CD151: variants seen among roughly 807,000 people sequenced by gnomAD.
CD151 encodes CD151 molecule (Raph blood group).
CD151 carries 20 observed loss-of-function variants against 34.2 expected under a neutral mutation model. That is an observed-to-expected ratio of 0.58 (90% CI 0.41 to 0.85). CD151 has a LOEUF of 0.85. Among genes scored for constraint, CD151 ranks in the 40% least tolerant of loss-of-function variants. CD151 has a pLI of 0.00. For missense variants in CD151, 306 were observed against 324.5 expected (o/e 0.94, Z 0.44); for synonymous variants, 157 against 131.7 (o/e 1.19, Z -1.32).
chr11:836,757 T>C lies in CD151; in HGVS notation c.277-12T>C, dbSNP rs1300653737. On this transcript the variant is annotated splice_polypyrimidine_tract_variant and intron_variant, in intron 4 of 8. Coordinates refer to ENST00000397420, the MANE Select transcript of CD151 (RefSeq NM_004357.5). Reference sequence around the variant, plus strand: ...CCTCAGAACAAGGGTGCCCTTGTGCTGCCCCCCCCAGTACTTCATCCTGCT... The same window carrying C: ...CCTCAGAACAAGGGTGCCCTTGTGCCGCCCCCCCCAGTACTTCATCCTGCT... 1 of 1,612,252 alleles carries C rather than the reference T, an allele frequency of 6.2e-7. No individual in the cohort carries two copies.
At position 837,323 on chromosome 11, in the gene CD151, T is replaced by TG; in HGVS notation, c.426dup (p.Thr143AspfsTer26). On this transcript the variant is annotated frameshift_variant, in exon 6 of 9. Coordinates refer to ENST00000397420, the MANE Select transcript of CD151 (RefSeq NM_004357.5). LOFTEE classifies it high-confidence loss of function. Reference sequence around the variant, plus strand: ...TACCACCAGCCGGGCCATGAGGCTGTGACCAGCGCTGTGGACCAGCTGCAG... The same window carrying TG: ...TACCACCAGCCGGGCCATGAGGCTGTGGACCAGCGCTGTGGACCAGCTGCAG... 1 of 1,612,916 alleles carries TG rather than the reference T, an allele frequency of 6.2e-7. No homozygotes were observed. Among genetic ancestry groups the TG allele is most frequent in the East Asian group, 2.2e-5 (1 of 44,876 alleles).
rs201750899 is a variant in CD151, at chr11:836,166, C to T, written c.84+13C>T. 4,217 of 1,595,278 alleles carry T rather than the reference C, an allele frequency of 2.6e-3. 13 individuals carry two copies. Among genetic ancestry groups the T allele is most frequent in the Non-Finnish European group, 3.3e-3 (3,801 of 1,164,482 alleles). ...TTGCTGCTTCTGGGTGAGGAGGGGT[C>T]GCCTTGCCCCCACCCCCACCCCCAC... On this transcript the variant is annotated intron_variant, in intron 3 of 8. Transcript: ENST00000397420.
At chr11:834,220 G>A (rs1400220801) in intron 1 of CD151, among the ~76,000 whole-genome samples, 1 of 152,170 alleles carries the variant, frequency 6.6e-6, no homozygotes, top group Non-Finnish European at 1.5e-5. Flanking sequence ...TTAGCTGGGC[G>A]TGGTGGTGGG....
Position 836,060 on chromosome 11 carries a change from C to G in CD151, c.-7-3C>G. 6.2e-7 allele frequency: 1 copy of G among 1,602,582 alleles called. No individual in the cohort carries two copies. The highest frequency in any genetic ancestry group is 1.1e-5 in the South Asian group (1 of 90,750). ...CCCGCTGACCCCTCCCCTGCCTCCTCAGCCCCAGGATGGGTGAGTTCAACG... is the reference window on the plus strand; with the variant it reads ...CCCGCTGACCCCTCCCCTGCCTCCTGAGCCCCAGGATGGGTGAGTTCAACG... On this transcript the variant is annotated splice_polypyrimidine_tract_variant and splice_region_variant and intron_variant, in intron 2 of 8. Coordinates refer to ENST00000397420, the MANE Select transcript of CD151 (RefSeq NM_004357.5).
Position 837,915 on chromosome 11 carries a change from C to G in CD151, c.616-27C>G, listed in dbSNP as rs748823506. 3.8e-6 allele frequency: 6 copies of G among 1,580,536 alleles called. No individual in the cohort carries two copies. The East Asian group carries it at 1.1e-4, about 30-fold the overall frequency. On this transcript the variant is annotated intron_variant, in intron 7 of 8. Transcript: ENST00000397420. ...CAGTGGGAGGTGCCCCCTGGGCCCG[C>G]CTTCAACACCCATCCGCGCCCCGCA...
chr11:837,610 A>G lies in CD151; in HGVS notation c.607A>G (p.Lys203Glu), dbSNP rs1846825332. 1 of 1,611,702 alleles carries G rather than the reference A, an allele frequency of 6.2e-7. No individual in the cohort carries two copies. The highest frequency in any genetic ancestry group is 1.1e-5 in the South Asian group (1 of 90,968). The change falls in exon 7 of 9, where the codon AAG becomes GAG. Residue 203 changes from lysine to glutamate, a missense_variant. By Grantham distance (56) the Lys-to-Glu change is moderately conservative. Transcript: ENST00000397420. ...GCGAGACCATGCCTCCAACATCTAC[A>G]AGGTGGAGGTGGGTGTGCAGCGGGA... is the stretch of plus-strand genomic sequence containing the variant. ...GQRDHASNIY[K>E]VEGGCITKLE... is the part of the protein sequence containing the mutation.
chr11:837,089 T>C, intron 5 of CD151, 161 bp from the exon 6 acceptor site: 1 of 679,652 alleles, frequency 1.5e-6, no homozygotes, highest in Non-Finnish European at 2.6e-6. Flanking sequence ...GTGACGGTCC[T>C]GGCACCACCC....
intron 7 of CD151, 40 bp from the exon 8 acceptor site, chr11:837,902 C>A (rs1456086722): frequency 4.0e-6 from 6 of 1,485,554 alleles, no homozygotes; most frequent in Middle Eastern, 1.9e-4. Flanking sequence ...GTGGGAGGTG[C>A]CCCCTGGGCC....
At chr11:834,233 C>A (rs887029993) in intron 1 of CD151, among the ~76,000 whole-genome samples, 1 of 152,152 alleles carries the variant, frequency 6.6e-6, no homozygotes, top group Non-Finnish European at 1.5e-5. Flanking sequence ...GTGGTGGGTG[C>A]CTGTAATCCC....
At chr11:836,966 C>T (rs765757864) in intron 5 of CD151, 123 bp downstream of exon 5, 10 of 873,108 alleles carry the variant, frequency 1.1e-5, no homozygotes, top group Non-Finnish European at 1.9e-5. Context: ...AACCAATGTG[C>T]CACTGGGCCC....
chr11:838,025 G>C lies in CD151; in HGVS notation c.699G>C (p.Val233=), dbSNP rs374859485. Residue 233 remains valine, a synonymous_variant, in exon 8 of 9, where the codon GTG becomes GTC. Coordinates refer to ENST00000397420, the MANE Select transcript of CD151 (RefSeq NM_004357.5). ...CTGTGGGGATCGGCATTGCCTGTGT[G>C]CAGGTGAGGGCACATGGGGGTGGCG... ...IGAVGIGIAC[V]QVFGMIFTCC... The C allele has an allele frequency of 1.1e-4, 176 of 1,612,992 alleles. No homozygotes were observed. The highest frequency in any genetic ancestry group is 1.4e-4 in the Non-Finnish European group (164 of 1,179,526).
rs761960301 is a variant in CD151, at chr11:838,080, G to A, written c.702+52G>A. 81 of 1,604,730 alleles carry A rather than the reference G, an allele frequency of 5.0e-5. No individual in the cohort carries two copies. The South Asian group carries it at 5.7e-4, about 11-fold the overall frequency. ...TCTTGTTGGGGACACGGGGCAGGGC[G>A]GTGGCTGGTGGCCCCATGACGTCTG... On this transcript the variant is annotated intron_variant, in intron 8 of 8. Transcript: ENST00000397420.
intron 5 of CD151, 62 bp downstream of exon 5, chr11:836,905 A>T: frequency 7.0e-7 from 1 of 1,432,786 alleles, no homozygotes; most frequent in Non-Finnish European, 9.8e-7. Flanking sequence ...GGACACACAC[A>T]CATGCACACG....
At chr11:837,900 T>C (rs1420787584) in intron 7 of CD151, 42 bp from the exon 8 acceptor site, 1 of 1,471,806 alleles carries the variant, frequency 6.8e-7, no homozygotes, top group African/African-American at 1.4e-5. Context: ...CAGTGGGAGG[T>C]GCCCCCTGGG....
chr11:838,124 T>G lies in CD151; in HGVS notation c.703-9T>G. 1 of 1,613,052 alleles carries G rather than the reference T, an allele frequency of 6.2e-7. No individual in the cohort carries two copies. On this transcript the variant is annotated splice_polypyrimidine_tract_variant and intron_variant, in intron 8 of 8. Transcript: ENST00000397420. ...ACGTCTGCTTACGCCCACCCGGCTCTGCACACAGGTCTTTGGCATGATCTT... is the reference window on the plus strand; with the variant it reads ...ACGTCTGCTTACGCCCACCCGGCTCGGCACACAGGTCTTTGGCATGATCTT...
chr11:835,535 T>G (rs1846723510), intron 2 of CD151: 1 of 152,164 alleles, frequency 6.6e-6, no homozygotes, highest in African/African-American at 2.4e-5. Flanking sequence ...GAGATGGGGT[T>G]TCACCACAAT....
Position 838,382 on chromosome 11 carries a change from C to A in CD151, c.*190C>A. The A allele has an allele frequency of 6.7e-6, 2 of 300,642 alleles. No homozygotes were observed. The highest frequency in any genetic ancestry group is 1.2e-5 in the Non-Finnish European group (2 of 161,748). 18.6% of individuals were successfully genotyped at this position (300,642 alleles called of 1,614,324 possible). The stretch of plus-strand genomic sequence containing the variant: ...CAGCAGGGGAGGTGAGGGGGGCTGG[C>A]GGGGCGAAGTTTGGGGGGTGTTTTG... On this transcript the variant is annotated 3_prime_UTR_variant, in exon 9 of 9. Transcript: ENST00000397420.
At position 836,074 on chromosome 11, in the gene CD151, G is replaced by T. The variant is rs775765246; in HGVS notation, c.5G>T (p.Gly2Val). The T allele has an allele frequency of 7.5e-6, 12 of 1,610,578 alleles. No homozygotes were observed. The South Asian group carries it at 1.3e-4, about 18-fold the overall frequency. MGEFNEKKTTCG... is the reference protein window; with the variant it reads MVEFNEKKTTCG... Reference sequence around the variant, plus strand: ...CCCTGCCTCCTCAGCCCCAGGATGGGTGAGTTCAACGAGAAGAAGACAACA... The same window carrying T: ...CCCTGCCTCCTCAGCCCCAGGATGGTTGAGTTCAACGAGAAGAAGACAACA... Residue 2 changes from glycine (G) to valine (V), a missense_variant, in exon 3 of 9, where the codon GGT (glycine) becomes GTT (valine). Coordinates refer to ENST00000397420, the MANE Select transcript of CD151 (RefSeq NM_004357.5).
Position 837,159 on chromosome 11 carries a change from C to T in CD151, c.352-91C>T, listed in dbSNP as rs1349965045. ...TTCCCTGTGGCTCTGAGCTGGGCCC[C>T]GGGCCTCCCCACCGGCCATCCTGGG... On this transcript the variant is annotated intron_variant, in intron 5 of 8. Coordinates refer to ENST00000397420, the MANE Select transcript of CD151 (RefSeq NM_004357.5). The T allele has an allele frequency of 5.9e-5, 63 of 1,075,732 alleles. No individual in the cohort carries two copies. In the Admixed American group the frequency reaches 6.0e-4, roughly 10 times the overall value. The allele number at this position is 1,075,732 out of a possible 1,614,324, so 66.6% of individuals were successfully genotyped here.
Sources: gnomAD v4.1 joint callset for allele counts (sites outside exome capture counted in the v4.1 genomes callset) on GRCh38, gnomAD v4.1.1 for gene constraint, MANE v1.5 for transcripts, NCBI Gene and HGNC (gene_info 2026-07-23, HGNC 2026-07-21) for gene names.